Variants in LHX8 observed in about 807,000 individuals in gnomAD.
LHX8 encodes the protein LIM homeobox 8.
A neutral mutation model predicts 40.3 loss-of-function variants in LHX8; 12 were observed. That is an observed-to-expected ratio of 0.30 (90% confidence interval 0.19 to 0.48). The LOEUF (loss-of-function observed/expected upper bound fraction) is 0.48. LHX8 is among the 20% of genes least tolerant of loss of function. The pLI is 0.99. For missense variants in LHX8, 344 were observed against 433.7 expected (o/e 0.79, Z 1.84); for synonymous variants, 179 against 162.0 (o/e 1.10, Z -0.80).
chr1:75,176,813 A>C, the LHX8 span, among the ~76,000 whole-genome samples: 3 of 152,032 alleles, frequency 2.0e-5, no homozygotes, highest in Non-Finnish European at 2.9e-5. Context: ...TTAGGTCTAA[A>C]ATGTAAGTCT....
the LHX8 span, among the ~76,000 whole-genome samples, chr1:75,175,178 A>G: frequency 6.6e-6 from 1 of 152,230 alleles, no homozygotes; most frequent in Non-Finnish European, 1.5e-5. Context: ...TCCATGGTAT[A>G]GATCACATTT....
chr1:75,132,973 C>G (rs1018394797), upstream of LHX8: 1 of 152,200 alleles, frequency 6.6e-6, no homozygotes, highest in African/African-American at 2.4e-5. Flanking sequence ...ACCCCCAATA[C>G]CGATTTCTGC....
chr1:75,134,330 C>T (rs921371420), upstream of LHX8, among the ~76,000 whole-genome samples: 3 of 151,982 alleles, frequency 2.0e-5, no homozygotes, highest in East Asian at 1.9e-4. Flanking sequence ...TAGGTTCCAC[C>T]CTCTGGAAAA....
the LHX8 span, among the ~76,000 whole-genome samples, chr1:75,173,374 CTTTTTTTTTT>C: frequency 5.2e-5 from 5 of 96,464 alleles, no homozygotes; most frequent in African/African-American, 8.2e-5. Context: ...GATATATACT[CTTTTTTTTTT>C]TTTTTTTTTT....
At chr1:75,154,040 T>G (rs1648686807) in intron 7 of LHX8, among the ~76,000 whole-genome samples, 1 of 152,210 alleles carries the variant, frequency 6.6e-6, no homozygotes, top group Non-Finnish European at 1.5e-5. Context: ...ATGGCCTGAT[T>G]TTAGCTTAGT....
the LHX8 span, among the ~76,000 whole-genome samples, chr1:75,188,851 T>C: frequency 6.6e-6 from 1 of 152,214 alleles, no homozygotes; most frequent in African/African-American, 2.4e-5. Flanking sequence ...AGCTTTGAGC[T>C]TTCAGCCCCA....
upstream of LHX8, chr1:75,130,819 A>C (rs1214405243): frequency 6.9e-6 from 9 of 1,312,912 alleles, no homozygotes; most frequent in Non-Finnish European, 9.9e-6. Context: ...TGATGGGCAA[A>C]AATCCAAAGA....
chr1:75,142,055 T>G (rs1648327579), intron 4 of LHX8, among the ~76,000 whole-genome samples: 2 of 152,186 alleles, frequency 1.3e-5, no homozygotes. Flanking sequence ...AGGTTTACTT[T>G]TCATTACTTC....
chr1:75,196,469 G>A, the LHX8 span, among the ~76,000 whole-genome samples: 1 of 152,148 alleles, frequency 6.6e-6, no homozygotes. Flanking sequence ...AAAGCTGGCT[G>A]GGGAACAAAT....
the LHX8 span, among the ~76,000 whole-genome samples, chr1:75,187,460 G>T: frequency 1.3e-5 from 2 of 152,156 alleles, no homozygotes; most frequent in South Asian, 2.1e-4. Context: ...CAGCATACAG[G>T]GTATAGAAGG....
At position 75,138,577 on chromosome 1, in the gene LHX8, G is replaced by A. The variant is rs567167239; in HGVS notation, c.237+1316G>A. Among the ~76,000 whole-genome samples, 327 of 152,194 alleles carry A rather than the reference G, an allele frequency of 2.1e-3. 3 individuals are homozygous for A. Among genetic ancestry groups the A allele is most frequent in the African/African-American group, 7.7e-3 (319 of 41,552 alleles). ...CAATGTTTCTAAAACTGAGCATTTTGGATATTGCAAAATCATCTTTTGGGT... is the reference window on the plus strand; with the variant it reads ...CAATGTTTCTAAAACTGAGCATTTTAGATATTGCAAAATCATCTTTTGGGT... On this transcript the variant is annotated intron_variant, in intron 3 of 8. Transcript: ENST00000356261.
chr1:75,130,884 A>AACCAC (rs1647943750), upstream of LHX8: 4 of 789,450 alleles, frequency 5.1e-6, no homozygotes, highest in African/African-American at 6.8e-5. Flanking sequence ...GAGTGGTTTT[A>AACCAC]GCTGAGATTT....
intron 8 of LHX8, 83 bp downstream of exon 8, chr1:75,157,159 CA>C: frequency 1.4e-6 from 2 of 1,468,898 alleles, no homozygotes; most frequent in Non-Finnish European, 1.9e-6. Flanking sequence ...ATACAATTCA[CA>C]TTTTGAAATA....
chr1:75,185,355 A>G, the LHX8 span, among the ~76,000 whole-genome samples: 14 of 152,162 alleles, frequency 9.2e-5, no homozygotes, highest in Admixed American at 9.2e-4. Flanking sequence ...AATCCTCAAC[A>G]AAATACTGAC....
intron 3 of LHX8, among the ~76,000 whole-genome samples, chr1:75,137,753 T>C (rs993762343): frequency 1.3e-5 from 2 of 152,230 alleles, no homozygotes; most frequent in African/African-American, 2.4e-5. Context: ...TTGCAGTGTC[T>C]CTTTTGGTGA....
At chr1:75,169,941 T>C in the LHX8 span, among the ~76,000 whole-genome samples, 2 of 152,240 alleles carry the variant, frequency 1.3e-5, no homozygotes, top group Non-Finnish European at 2.9e-5. Flanking sequence ...GGTGCTACCC[T>C]GGTTCCACTG....
chr1:75,158,588 G>A (rs1648831550), intron 8 of LHX8, among the ~76,000 whole-genome samples: 1 of 152,094 alleles, frequency 6.6e-6, no homozygotes, highest in South Asian at 2.1e-4. Context: ...AGAAAGTGAA[G>A]CTTTTTTGTT....
At position 75,161,138 on chromosome 1, in the gene LHX8, A is replaced by C. The variant is rs764704493; in HGVS notation, c.*243A>C. The C allele has an allele frequency of 1.3e-4, 62 of 494,268 alleles. No homozygotes were observed. The highest frequency in any genetic ancestry group is 2.2e-4 in the Non-Finnish European group (59 of 274,126). The allele number at this position is 494,268 out of a possible 1,614,324, so 30.6% of individuals were successfully genotyped here. ...TCAAAACATTTTTTGTATTGTCTGG[A>C]AATAGTTCACTCTAGTGTGTATCTG... On this transcript the variant is annotated 3_prime_UTR_variant, in exon 9 of 9. Transcript: ENST00000356261.
At chr1:75,166,357 G>T (rs1649037264), downstream of LHX8, among the ~76,000 whole-genome samples, 1 of 152,154 alleles carries the variant, frequency 6.6e-6, no homozygotes, top group Non-Finnish European at 1.5e-5. Flanking sequence ...TCTGTGATTT[G>T]GATGTAGAGA....
Sources: allele counts gnomAD v4.1 joint callset (sites outside exome capture counted in the v4.1 genomes callset), GRCh38; gene constraint gnomAD v4.1.1; transcripts MANE v1.5; gene names NCBI Gene and HGNC (gene_info 2026-07-23, HGNC 2026-07-21).